The following AKAP13 variants were observed in gnomAD, a reference collection of about 807,000 sequenced individuals.
AKAP13 encodes A-kinase anchor protein 13.
In AKAP13, 80 loss-of-function variants were observed where a neutral mutation model predicts 264.5. The observed-to-expected ratio is 0.30, with a 90% CI of 0.25 to 0.36. AKAP13 has a LOEUF of 0.36. AKAP13 is among the 10% of genes least tolerant of loss of function. The probability of loss-of-function intolerance (pLI) is 1.00; values close to 1 mark genes in which losing one functional copy is unlikely to be tolerated. For synonymous variants in AKAP13, 1,380 were observed against 1,250.2 expected (o/e 1.10, Z -2.19); for missense variants, 3,712 against 3,435.2 (o/e 1.08, Z -2.01).
At chr15:85,743,969 G>A (rs530905800) in intron 36 of AKAP13, 144 bp downstream of exon 36, 12 of 947,800 alleles carry the variant, frequency 1.3e-5, no homozygotes, top group African/African-American at 5.0e-5. Flanking sequence ...CACCAGCTCC[G>A]CTTGCTAAGA....
In AKAP13 at chr15:85,693,319, G is replaced by C. The variant is rs1214069993; in HGVS notation, c.5332G>C (p.Asp1778His). 6.2e-7 allele frequency: 1 copy of C among 1,607,900 alleles called. No homozygotes were observed. The highest frequency in any genetic ancestry group is 1.3e-5 in the African/African-American group (1 of 74,392). Residue 1778 changes from aspartate (D) to histidine (H), a missense_variant, in exon 17 of 37, where the codon GAT (aspartate) becomes CAT (histidine). Around this residue, in one of 3 missense-constraint regions of AKAP13, gnomAD observed 2,759 missense variants for 2,411.7 expected, o/e 1.14. Coordinates refer to ENST00000394518, the MANE Select transcript of AKAP13 (RefSeq NM_007200.5). Reference protein sequence around the residue: ...EKDKIKEKEKDSKDKEKDKKT... With the variant: ...EKDKIKEKEKHSKDKEKDKKT... The stretch of plus-strand genomic sequence containing the variant: ...AGATAAGATTAAGGAGAAGGAGAAA[G>C]ATTCTAAAGACAAGGAGAAAGATAA...
chr15:85,560,290 G>C (rs1248149524), intron 5 of AKAP13, among the ~76,000 whole-genome samples: 2 of 152,158 alleles, frequency 1.3e-5, no homozygotes, highest in Non-Finnish European at 2.9e-5. Flanking sequence ...AGGACTACAG[G>C]TGTGCACCAC....
rs761151943 is a variant in AKAP13, at chr15:85,543,922, G to T, written c.629G>T (p.Arg210Leu). The T allele has an allele frequency of 9.3e-6, 15 of 1,613,626 alleles. No individual in the cohort carries two copies. The highest frequency in any genetic ancestry group is 1.3e-5 in the Non-Finnish European group (15 of 1,179,688). The change falls in exon 5 of 37, where the codon CGA becomes CTA. Residue 210 changes from arginine (R) to leucine (L), a missense_variant. Transcript: ENST00000394518. ...ACGCCTGTGAGCTTGGCCTTGGAGC[G>T]AGGCTATCACAAGCTGCACCAGCTT... ...GATPVSLALE[R>L]GYHKLHQLLT...
intron 8 of AKAP13, among the ~76,000 whole-genome samples, chr15:85,614,063 A>C (rs938434972): frequency 2.0e-5 from 3 of 152,284 alleles, no homozygotes; most frequent in Admixed American, 1.3e-4. Context: ...TTATTCTTCT[A>C]GCGGTGTAAT....
intron 5 of AKAP13, among the ~76,000 whole-genome samples, chr15:85,548,120 T>A (rs2077820275): frequency 6.6e-6 from 1 of 152,166 alleles, no homozygotes; most frequent in African/African-American, 2.4e-5. Context: ...ATCTTGGGAC[T>A]TGGATCACCC....
rs1421387238 is a variant in AKAP13 at position 85,613,715 on chromosome 15, A to ATATATATATAT, written c.4162-25659_4162-25658insTATATATATAT. ...AAATATATATATATATATATATATT[A>ATATATATATAT]GGAGTGCTGATTGATGGACAGATGT... is the stretch of plus-strand genomic sequence containing the variant. On this transcript the variant is annotated intron_variant, in intron 8 of 36. Coordinates refer to ENST00000394518, the MANE Select transcript of AKAP13 (RefSeq NM_007200.5). 8.2e-4 allele frequency among the ~76,000 whole-genome samples: 63 copies of ATATATATATAT among 77,054 alleles called. 1 individual carries two copies. Among genetic ancestry groups the ATATATATATAT allele is most frequent in the South Asian group, 1.9e-3 (4 of 2,136 alleles). 50.6% of individuals were successfully genotyped at this position (77,054 alleles called of 152,430 possible).
rs772466427 is a variant in AKAP13 at position 85,718,198 on chromosome 15, CA to C, written c.6001+40del. ...TTTTGCTCTGATTATATTTGATTTC[CA>C]TTGTCCAGCATTTTTAAGCAGTAAT... is the stretch of plus-strand genomic sequence containing the variant. On this transcript the variant is annotated intron_variant, in intron 22 of 36. Coordinates refer to ENST00000394518, the MANE Select transcript of AKAP13 (RefSeq NM_007200.5). This position sits in a 1 kb window ranked among gnomAD's most constrained non-coding sequence, Gnocchi z 4.9. The C allele has an allele frequency of 1.3e-6, 2 of 1,593,844 alleles. No homozygotes were observed. Among genetic ancestry groups the C allele is most frequent in the Non-Finnish European group, 1.7e-6 (2 of 1,166,306 alleles).
At chr15:85,406,396 GT>G (rs34569805) in intron 1 of AKAP13, among the ~76,000 whole-genome samples, 9 of 143,862 alleles carry the variant, frequency 6.3e-5, no homozygotes, top group African/African-American at 7.9e-5. Flanking sequence ...CTAGAAAATA[GT>G]TTTTTTTTTT....
At chr15:85,676,205 C>G (rs551401228) in intron 14 of AKAP13, among the ~76,000 whole-genome samples, 1 of 152,184 alleles carries the variant, frequency 6.6e-6, no homozygotes, top group Non-Finnish European at 1.5e-5. Context: ...GCCACCACGC[C>G]CAGCCAGTAG....
At chr15:85,460,863 G>A (rs2074482781) in intron 1 of AKAP13, among the ~76,000 whole-genome samples, 1 of 152,158 alleles carries the variant, frequency 6.6e-6, no homozygotes, top group African/African-American at 2.4e-5. Context: ...AGAGCCTCCT[G>A]AAAGGAATGT....
chr15:85,609,402 C>T (rs763489926), intron 8 of AKAP13, among the ~76,000 whole-genome samples: 3 of 152,158 alleles, frequency 2.0e-5, no homozygotes, highest in Non-Finnish European at 4.4e-5. Flanking sequence ...TTTCATTTAA[C>T]GTAGTGTCCT....
chr15:85,637,691 T>C (rs1376166129), intron 8 of AKAP13, among the ~76,000 whole-genome samples: 1 of 152,112 alleles, frequency 6.6e-6, no homozygotes, highest in African/African-American at 2.4e-5. Flanking sequence ...TTTTCTAGTT[T>C]CATAAGGTAG....
intron 3 of AKAP13, among the ~76,000 whole-genome samples, chr15:85,532,692 G>T (rs1290694598): frequency 1.3e-5 from 2 of 152,208 alleles, no homozygotes; most frequent in African/African-American, 4.8e-5. Flanking sequence ...ATTCTGTGAG[G>T]CTAAAATTTC....
chr15:85,674,355 A>G (rs577306958), intron 14 of AKAP13, among the ~76,000 whole-genome samples: 1 of 152,318 alleles, frequency 6.6e-6, no homozygotes, highest in Non-Finnish European at 1.5e-5. Flanking sequence ...TATGTGTATA[A>G]GCTGTATATG....
intron 8 of AKAP13, among the ~76,000 whole-genome samples, chr15:85,600,385 A>G (rs963919814): frequency 2.0e-5 from 3 of 152,102 alleles, no homozygotes; most frequent in South Asian, 4.1e-4. Flanking sequence ...CACATAACCA[A>G]CTAGTTTAGT....
At chr15:85,439,970 T>TAAA (rs201272928) in intron 1 of AKAP13, among the ~76,000 whole-genome samples, 17 of 127,618 alleles carry the variant, frequency 1.3e-4, no homozygotes, top group South Asian at 4.9e-4. Context: ...TAAAGTATAA[T>TAAA]AAAAAATAAT....
In AKAP13 at chr15:85,748,087, TC is replaced by T. The variant is rs1467269954; in HGVS notation, c.*3411del. 1 of 152,230 alleles carries T rather than the reference TC, an allele frequency of 6.6e-6. No homozygotes were observed. Among genetic ancestry groups the T allele is most frequent in the Non-Finnish European group, 1.5e-5 (1 of 68,054 alleles). 9.4% of individuals were successfully genotyped at this position (152,230 alleles called of 1,614,324 possible). A position where few individuals can be genotyped will look rare whatever the true frequency, so the allele number is the denominator to read the frequency against. On this transcript the variant is annotated 3_prime_UTR_variant, in exon 37 of 37. Coordinates refer to ENST00000394518, the MANE Select transcript of AKAP13 (RefSeq NM_007200.5). ...GAAGTTGCTGTCCACAGAAGTGCTT[TC>T]TATTTCATCATTTTTGTTTCTAGGG...
intron 17 of AKAP13, among the ~76,000 whole-genome samples, chr15:85,699,402 C>T (rs2085769509): frequency 6.6e-6 from 1 of 152,076 alleles, no homozygotes. Context: ...CAAGATCACA[C>T]CACCGCACTT....
intron 10 of AKAP13, among the ~76,000 whole-genome samples, chr15:85,653,647 A>G (rs1007506172): frequency 6.6e-6 from 1 of 152,230 alleles, no homozygotes; most frequent in Non-Finnish European, 1.5e-5. Flanking sequence ...AAAGATTTTC[A>G]TAATTTTTTT....
Sources: gnomAD v4.1 joint callset for allele counts (sites outside exome capture counted in the v4.1 genomes callset) on GRCh38, gnomAD v4.1.1 for gene constraint, gnomAD v4.1.1 regional missense constraint, Gnocchi (gnomAD v3.1) non-coding constraint, MANE v1.5 for transcripts, NCBI Gene and HGNC (gene_info 2026-07-23, HGNC 2026-07-21) for gene names.